DMD: variants seen among roughly 807,000 people sequenced by gnomAD.
DMD encodes mutant dystrophin.
In DMD, 63 loss-of-function variants were observed where a neutral mutation model predicts 330.1. The ratio of observed to expected loss-of-function variants is 0.19; its 90% CI spans 0.16 to 0.24. The LOEUF is 0.24. DMD is among the 10% of genes least tolerant of loss of function. The pLI is 1.00. For synonymous variants in DMD, 1,223 were observed against 959.8 expected (o/e 1.27, Z -5.07); for missense variants, 3,344 against 2,684.1 (o/e 1.25, Z -5.43).
intron 45 of DMD, among the ~76,000 whole-genome samples, chrX:31,944,428 C>T (rs2095054839): frequency 9.1e-6 from 1 of 110,223 alleles, no homozygotes; most frequent in South Asian, 3.7e-4. Flanking sequence ...TTTTTTATTT[C>T]AACATGCAAT....
chrX:31,800,183 C>T (rs772787075), intron 50 of DMD, among the ~76,000 whole-genome samples: 156 of 112,632 alleles, frequency 1.4e-3, no homozygotes, highest in African/African-American at 4.8e-3. Flanking sequence ...TGTGGAGCTC[C>T]GACCCCACAT....
At chrX:31,300,743 T>C (rs925738174) in intron 62 of DMD, among the ~76,000 whole-genome samples, 2 of 112,239 alleles carry the variant, frequency 1.8e-5, no homozygotes, top group Non-Finnish European at 3.8e-5. Context: ...TTAATCTTTT[T>C]CTATGTTTTC....
At chrX:31,657,880 T>C in intron 54 of DMD, 110 bp downstream of exon 54, 2 of 852,399 alleles carry the variant, frequency 2.3e-6, no homozygotes, top group South Asian at 4.3e-5. Flanking sequence ...TCTTGAACCC[T>C]CCCAAGCTCC....
intron 2 of DMD, among the ~76,000 whole-genome samples, chrX:33,009,897 T>C (rs1277182911): frequency 2.9e-5 from 2 of 69,659 alleles, no homozygotes; most frequent in Admixed American, 3.0e-4. Context: ...CATATGTGTA[T>C]ATGTGTGTAT....
intron 2 of DMD, among the ~76,000 whole-genome samples, chrX:32,995,620 G>A (rs982507259): frequency 8.9e-6 from 1 of 111,964 alleles, no homozygotes; most frequent in African/African-American, 3.2e-5. Flanking sequence ...GAAGAAGGCT[G>A]GGATCCTGTA....
intron 21 of DMD, among the ~76,000 whole-genome samples, chrX:32,479,072 G>C (rs943339463): frequency 9.0e-6 from 1 of 110,865 alleles, no homozygotes; most frequent in Non-Finnish European, 1.9e-5. Flanking sequence ...TTTTTCTTTT[G>C]CTGAATTTTC....
chrX:31,631,494 A>G (rs900574786), intron 54 of DMD, among the ~76,000 whole-genome samples: 1 of 110,761 alleles, frequency 9.0e-6, no homozygotes, highest in Admixed American at 9.6e-5. Context: ...ACAATTCTGA[A>G]GGGCTATTCT....
At chrX:31,747,354 G>A (rs139537170) in intron 51 of DMD, among the ~76,000 whole-genome samples, 350 of 111,746 alleles carry the variant, frequency 3.1e-3, no homozygotes, top group Non-Finnish European at 5.6e-3. Flanking sequence ...ATTGGAGAAC[G>A]TAAAAATTAC....
intron 44 of DMD, among the ~76,000 whole-genome samples, chrX:32,009,775 C>T (rs2095691212): frequency 9.0e-6 from 1 of 111,516 alleles, no homozygotes; most frequent in Admixed American, 9.5e-5. Context: ...AAAGTTCACA[C>T]CAGATGAGCT....
chrX:33,070,665 CTCTCTCTCTATATATATA>C (rs1410633203), intron 1 of DMD, among the ~76,000 whole-genome samples: 3 of 45,884 alleles, frequency 6.5e-5, no homozygotes, highest in African/African-American at 2.8e-4. Flanking sequence ...CTCTCTCTCT[CTCTCTCTCTATATATATA>C]TATATATATA....
At chrX:32,599,096 T>G (rs1305257822) in intron 12 of DMD, among the ~76,000 whole-genome samples, 1 of 112,355 alleles carries the variant, frequency 8.9e-6, no homozygotes, top group Non-Finnish European at 1.9e-5. Context: ...ACTGACTTTT[T>G]TGAGCACACT....
rs398123984 is a variant in DMD, at chrX:32,809,628, T to C, written c.531-17A>G. Reference sequence around the variant, plus strand: ...AGGTCTGGCCTAAAACACATACACATACACACATACACAAAGACAAATATA... The same window carrying C: ...AGGTCTGGCCTAAAACACATACACACACACACATACACAAAGACAAATATA... On this transcript the variant is annotated splice_polypyrimidine_tract_variant and intron_variant, in intron 6 of 78. Coordinates refer to ENST00000357033, the MANE Select transcript of DMD (RefSeq NM_004006.3). The C allele has an allele frequency of 5.4e-6, 6 of 1,112,513 alleles. No individual in the cohort carries two copies. Among genetic ancestry groups the C allele is most frequent in the Admixed American group, 2.2e-5 (1 of 45,750 alleles). The allele number at this position is 1,112,513 out of a possible 1,213,427, so 91.7% of individuals were successfully genotyped here.
intron 11 of DMD, among the ~76,000 whole-genome samples, chrX:32,615,591 TG>T (rs2057499722): frequency 8.9e-6 from 1 of 111,792 alleles, no homozygotes; most frequent in Admixed American, 9.5e-5. Flanking sequence ...TCTTATAATT[TG>T]AATTAGGAAT....
intron 2 of DMD, among the ~76,000 whole-genome samples, chrX:32,861,899 C>T (rs746501479): frequency 7.2e-5 from 8 of 111,542 alleles, no homozygotes; most frequent in Admixed American, 1.9e-4. Context: ...GAGATCAATG[C>T]CAGGGATGTC....
At chrX:31,764,774 T>C (rs1028040023) in intron 51 of DMD, among the ~76,000 whole-genome samples, 46 of 111,763 alleles carry the variant, frequency 4.1e-4, no homozygotes, top group African/African-American at 1.4e-3. Flanking sequence ...GACAGTTAAA[T>C]CAAAGCATTT....
intron 43 of DMD, among the ~76,000 whole-genome samples, chrX:32,218,633 C>A (rs1015264658): frequency 3.6e-5 from 4 of 112,154 alleles, no homozygotes; most frequent in African/African-American, 9.7e-5. Flanking sequence ...ATTTATTAAA[C>A]AGTTACTAAT....
intron 2 of DMD, among the ~76,000 whole-genome samples, chrX:33,008,382 G>C (rs759019830): frequency 9.0e-6 from 1 of 110,668 alleles, no homozygotes; most frequent in South Asian, 3.8e-4. Flanking sequence ...ATCATAATTT[G>C]AAATATAATT....
intron 2 of DMD, among the ~76,000 whole-genome samples, chrX:32,943,544 T>C (rs919599293): frequency 9.0e-6 from 1 of 111,428 alleles, no homozygotes; most frequent in Non-Finnish European, 1.9e-5. Flanking sequence ...TTTAGAGATA[T>C]ATCATTTTTT....
At position 31,637,954 on chromosome X, in the gene DMD, T is replaced by A. The variant is rs192940437; in HGVS notation, c.8028-10092A>T. On this transcript the variant is annotated intron_variant, in intron 54 of 78. Coordinates refer to ENST00000357033, the MANE Select transcript of DMD (RefSeq NM_004006.3). ...AGATATTCAATCTTTGGAATTTGTATCTTTCATCAAATTTTATATTAGCCA... is the reference window on the plus strand; with the variant it reads ...AGATATTCAATCTTTGGAATTTGTAACTTTCATCAAATTTTATATTAGCCA... 8.0e-3 allele frequency among the ~76,000 whole-genome samples: 891 copies of A among 111,804 alleles called. 7 individuals carry two copies. Among genetic ancestry groups the A allele is most frequent in the African/African-American group, 0.027 (843 of 30,866 alleles).
Sources: allele counts gnomAD v4.1 joint callset (sites outside exome capture counted in the v4.1 genomes callset), GRCh38; gene constraint gnomAD v4.1.1; transcripts MANE v1.5; gene names NCBI Gene and HGNC (gene_info 2026-07-23, HGNC 2026-07-21).